The following ENAH variants were observed in gnomAD, a reference collection of about 807,000 sequenced individuals.
ENAH encodes the protein ENAH actin regulator.
Under a neutral mutation model 78.7 loss-of-function variants are expected in ENAH, and 23 were observed. That is an observed-to-expected ratio of 0.29 (90% CI 0.21 to 0.41). The LOEUF (loss-of-function observed/expected upper bound fraction) is 0.41. Ranked by LOEUF, ENAH falls within the 10% of genes least tolerant of loss-of-function variation. ENAH has a pLI of 1.00. For synonymous variants in ENAH, 226 were observed against 241.0 expected, an observed-to-expected ratio of 0.94 and a Z score of 0.58; for missense variants, 544 against 691.0, an observed-to-expected ratio of 0.79 and a Z score of 2.39.
At chr1:225,538,194 T>C (rs1014501178) in intron 3 of ENAH, among the ~76,000 whole-genome samples, 10 of 152,148 alleles carry the variant, frequency 6.6e-5, no homozygotes, top group Non-Finnish European at 1.5e-4. Context: ...TCCCCAGGTA[T>C]TTCTCTCATG....
chr1:225,502,089 C>T (rs897016842), intron 11 of ENAH, among the ~76,000 whole-genome samples: 2 of 152,046 alleles, frequency 1.3e-5, no homozygotes, highest in African/African-American at 4.8e-5. Flanking sequence ...TGAAGCAAGA[C>T]CCAAAAGGCA....
intron 2 of ENAH, among the ~76,000 whole-genome samples, chr1:225,558,627 C>CT (rs71170091): frequency 0.63 from 43,903 of 69,208 alleles, 15,293 homozygotes; most frequent in Admixed American, 0.68. Flanking sequence ...TAATTTCTGC[C>CT]TTTTTTTTTT....
chr1:225,570,987 A>C (rs114074557), intron 1 of ENAH, among the ~76,000 whole-genome samples: 2,982 of 152,242 alleles, frequency 0.02, 46 homozygotes, highest in Non-Finnish European at 0.031. Flanking sequence ...TATAAAATAC[A>C]CATAACATAA....
intron 3 of ENAH, among the ~76,000 whole-genome samples, chr1:225,553,897 T>C (rs1434684504): frequency 6.6e-6 from 1 of 152,200 alleles, no homozygotes; most frequent in African/African-American, 2.4e-5. Flanking sequence ...CATAACAACT[T>C]TAAGTTTCTG....
intron 6 of ENAH, 122 bp downstream of exon 6, chr1:225,517,074 C>T (rs1042468911): frequency 2.9e-6 from 2 of 678,052 alleles, no homozygotes; most frequent in Non-Finnish European, 2.2e-6. Flanking sequence ...AAAAGCATGG[C>T]ATTATGGCAT....
At chr1:225,523,796 C>T (rs1221463842) in intron 4 of ENAH, among the ~76,000 whole-genome samples, 2 of 152,116 alleles carry the variant, frequency 1.3e-5, no homozygotes, top group African/African-American at 4.8e-5. Context: ...GGAGGAGTTT[C>T]CAAATTTATA....
intron 3 of ENAH, among the ~76,000 whole-genome samples, chr1:225,539,071 T>C (rs1255978592): frequency 1.3e-5 from 2 of 152,220 alleles, no homozygotes; most frequent in African/African-American, 2.4e-5. Flanking sequence ...TTAACACAAT[T>C]AGCATCTATC....
chr1:225,559,054 C>CT (rs2096685342), intron 2 of ENAH, among the ~76,000 whole-genome samples: 1 of 152,154 alleles, frequency 6.6e-6, no homozygotes, highest in South Asian at 2.1e-4. Context: ...AACAATACTT[C>CT]TTTTTCAAGA....
At chr1:225,597,509 T>A (rs1271381981) in intron 1 of ENAH, among the ~76,000 whole-genome samples, 1 of 151,896 alleles carries the variant, frequency 6.6e-6, no homozygotes. Flanking sequence ...ATTTAAAAAT[T>A]AGCTGGGCAT....
intron 1 of ENAH, among the ~76,000 whole-genome samples, chr1:225,618,027 C>A (rs1449899814): frequency 6.6e-6 from 1 of 152,152 alleles, no homozygotes; most frequent in African/African-American, 2.4e-5. Flanking sequence ...GCATTACCAG[C>A]CAGAACTAAG....
Position 225,492,756 on chromosome 1 carries a change from T to C in ENAH, c.*5019A>G, listed in dbSNP as rs1007767761. ...TAACGGGGACAGTCCTATTTCCCTT[T>C]CTCAATTTTCAGATGTATCGATTCC... On this transcript the variant is annotated 3_prime_UTR_variant, in exon 14 of 14. Transcript: ENST00000366843. 5 of 152,232 alleles carry C rather than the reference T, an allele frequency of 3.3e-5. No homozygotes were observed. Among genetic ancestry groups the C allele is most frequent in the Non-Finnish European group, 7.3e-5 (5 of 68,044 alleles). 9.4% of individuals were successfully genotyped at this position (152,232 alleles called of 1,614,324 possible).
intron 2 of ENAH, among the ~76,000 whole-genome samples, chr1:225,557,249 T>C (rs2096671715): frequency 6.6e-6 from 1 of 152,182 alleles, no homozygotes; most frequent in African/African-American, 2.4e-5. Flanking sequence ...GTCTTGAGGA[T>C]CTTTCATTAG....
intron 1 of ENAH, among the ~76,000 whole-genome samples, chr1:225,576,282 A>C (rs1353625757): frequency 6.6e-6 from 1 of 151,718 alleles, no homozygotes; most frequent in Non-Finnish European, 1.5e-5. Flanking sequence ...TCTCAAAAAA[A>C]AAAAAAAAAA....
At chr1:225,573,994 T>C (rs2096775774) in intron 1 of ENAH, among the ~76,000 whole-genome samples, 1 of 152,074 alleles carries the variant, frequency 6.6e-6, no homozygotes, top group African/African-American at 2.4e-5. Context: ...AGAGAATATA[T>C]CCTAAAGAAA....
At chr1:225,590,290 C>T (rs377301713) in intron 1 of ENAH, among the ~76,000 whole-genome samples, 1 of 152,042 alleles carries the variant, frequency 6.6e-6, no homozygotes, top group Non-Finnish European at 1.5e-5. Context: ...GCTCAGCCAA[C>T]ATGGTGAGAC....
rs758306418 is a variant in ENAH at position 225,514,804 on chromosome 1, G to A, written c.1010C>T (p.Pro337Leu). 101 of 1,533,172 alleles carry A rather than the reference G, an allele frequency of 6.6e-5. No homozygotes were observed. The highest frequency in any genetic ancestry group is 8.7e-5 in the Non-Finnish European group (100 of 1,143,202). The allele number at this position is 1,533,172 out of a possible 1,614,324, so 95.0% of individuals were successfully genotyped here. ...GGTGGATGGGAGTGGAGGAGGTGGA[G>A]GGGGCCCTGGGGGAGGAGGGAGGGC... ...SVALPPPPGPPPPPPLPSTGP... is the reference protein window; with the variant it reads ...SVALPPPPGPLPPPPLPSTGP... Residue 337 changes from proline (P) to leucine (L), a missense_variant, in exon 7 of 14, where the codon CCT (proline) becomes CTT (leucine). Transcript: ENST00000366843.
At chr1:225,611,399 A>T (rs6698989) in intron 1 of ENAH, among the ~76,000 whole-genome samples, 11,752 of 152,036 alleles carry the variant, frequency 0.077, 1,527 homozygotes, top group African/African-American at 0.27. Flanking sequence ...GGTCACTGCA[A>T]CCTCTGCCTC....
At chr1:225,612,341 A>G (rs1402046250) in intron 1 of ENAH, among the ~76,000 whole-genome samples, 1 of 152,234 alleles carries the variant, frequency 6.6e-6, no homozygotes, top group African/African-American at 2.4e-5. Context: ...GCCATGTACT[A>G]TATAATTCCA....
chr1:225,516,971 T>C (rs2096423820), intron 6 of ENAH, among the ~76,000 whole-genome samples: 1 of 151,146 alleles, frequency 6.6e-6, no homozygotes, highest in Non-Finnish European at 1.5e-5. Context: ...ATAAAAGATA[T>C]CAAAACCTAG....
Sources: gnomAD v4.1 joint callset for allele counts (sites outside exome capture counted in the v4.1 genomes callset) on GRCh38, gnomAD v4.1.1 for gene constraint, MANE v1.5 for transcripts, NCBI Gene and HGNC (gene_info 2026-07-23, HGNC 2026-07-21) for gene names.